MYO6: variants seen among roughly 807,000 people sequenced by gnomAD.
MYO6 encodes unconventional myosin-VI.
In MYO6, 74 loss-of-function variants were observed where a neutral mutation model predicts 178.7. The observed-to-expected ratio is 0.41, with a 90% CI of 0.34 to 0.50. The LOEUF (loss-of-function observed/expected upper bound fraction) is 0.50. Among genes scored for constraint, MYO6 ranks in the 20% least tolerant of loss-of-function variants. The probability of loss-of-function intolerance (pLI) is 0.09; values close to 1 mark genes in which losing one functional copy is unlikely to be tolerated. For missense variants in MYO6, 1,330 were observed against 1,547.4 expected, an observed-to-expected ratio of 0.86 and a Z score of 2.36; for synonymous variants, 477 against 504.6, an observed-to-expected ratio of 0.95 and a Z score of 0.73.
chr6:75,791,025 C>G (rs1768178748), intron 1 of MYO6, among the ~76,000 whole-genome samples: 1 of 152,124 alleles, frequency 6.6e-6, no homozygotes, highest in Non-Finnish European at 1.5e-5. Flanking sequence ...GCTCCGCCTC[C>G]CGAGTTCATG....
chr6:75,750,531 AT>A (rs530813379), intron 1 of MYO6, among the ~76,000 whole-genome samples: 955 of 134,142 alleles, frequency 7.1e-3, no homozygotes, highest in Non-Finnish European at 8.3e-3. Flanking sequence ...AATAAGCCTC[AT>A]TTTTTTTTTT....
intron 2 of MYO6, 25 bp from the exon 3 acceptor site, chr6:75,822,757 A>G (rs1214246448): frequency 6.2e-7 from 1 of 1,601,622 alleles, no homozygotes; most frequent in Admixed American, 1.7e-5. Context: ...CCTTGAGTTT[A>G]ATGAGCATTT....
In MYO6 at chr6:75,855,273, A is replaced by G. The variant is rs946943091; in HGVS notation, c.1213A>G (p.Thr405Ala). 1.2e-6 allele frequency: 2 copies of G among 1,613,498 alleles called. No individual in the cohort carries two copies. The highest frequency in any genetic ancestry group is 2.2e-5 in the East Asian group (1 of 44,820). Reference sequence around the variant, plus strand: ...AACAACAGCAGGGGGCACCAAAGGAACAGTTATAAAGTAAGTTCCTTAAGT... The same window carrying G: ...AACAACAGCAGGGGGCACCAAAGGAGCAGTTATAAAGTAAGTTCCTTAAGT... ...MLTTAGGTKG[T>A]VIKVPLKVEQ... Residue 405 changes from threonine (T) to alanine (A), a missense_variant, in exon 12 of 35, where the codon ACA becomes GCA. Coordinates refer to ENST00000369977, the MANE Select transcript of MYO6 (RefSeq NM_004999.4).
chr6:75,753,835 G>A (rs1368993725), intron 1 of MYO6, among the ~76,000 whole-genome samples: 2 of 152,144 alleles, frequency 1.3e-5, no homozygotes, highest in African/African-American at 4.8e-5. Context: ...ACAAATTTGA[G>A]TGGACTAGAA....
chr6:75,896,726 C>T (rs566449333), intron 29 of MYO6, among the ~76,000 whole-genome samples: 1 of 152,254 alleles, frequency 6.6e-6, no homozygotes, highest in African/African-American at 2.4e-5. Flanking sequence ...TTCCCCTTAC[C>T]TCAGCAGATG....
At chr6:75,894,504 C>G (rs1306998452) in intron 28 of MYO6, among the ~76,000 whole-genome samples, 6 of 152,206 alleles carry the variant, frequency 3.9e-5, no homozygotes, top group Non-Finnish European at 5.9e-5. Context: ...TGAGCTCCTT[C>G]CCTTCTGGTC....
chr6:75,908,061 A>G (rs1441599598), intron 31 of MYO6, among the ~76,000 whole-genome samples: 1 of 152,196 alleles, frequency 6.6e-6, no homozygotes, highest in African/African-American at 2.4e-5. Flanking sequence ...AAACAAAAGT[A>G]TCATAATTGT....
chr6:75,894,403 T>C (rs555529346), intron 28 of MYO6, among the ~76,000 whole-genome samples: 1 of 152,340 alleles, frequency 6.6e-6, no homozygotes, highest in East Asian at 1.9e-4. Context: ...GTTTTAGTTA[T>C]GTGGTTCAGG....
chr6:75,893,178 C>T (rs1345621323), intron 28 of MYO6, among the ~76,000 whole-genome samples: 2 of 151,984 alleles, frequency 1.3e-5, no homozygotes, highest in Non-Finnish European at 2.9e-5. Flanking sequence ...ATGAGTTTCC[C>T]TTTACAAGAA....
At chr6:75,778,162 A>G in intron 1 of MYO6, among the ~76,000 whole-genome samples, 1 of 152,290 alleles carries the variant, frequency 6.6e-6, no homozygotes, top group African/African-American at 2.4e-5. Context: ...CCCAATGAAT[A>G]TAGTATATTG....
intron 29 of MYO6, among the ~76,000 whole-genome samples, chr6:75,897,475 C>T (rs1297383913): frequency 2.0e-5 from 3 of 152,222 alleles, no homozygotes; most frequent in South Asian, 2.1e-4. Flanking sequence ...GTGTTCATTA[C>T]GAGAAAAGAG....
chr6:75,869,439 A>T (rs1043680905), intron 18 of MYO6, among the ~76,000 whole-genome samples: 1 of 152,170 alleles, frequency 6.6e-6, no homozygotes, highest in Admixed American at 6.5e-5. Flanking sequence ...TTGGATTGTC[A>T]TGTTCTATCC....
chr6:75,886,810 G>T, intron 24 of MYO6, 34 bp from the exon 25 acceptor site: 1 of 1,606,498 alleles, frequency 6.2e-7, no homozygotes, highest in Middle Eastern at 1.7e-4. Context: ...ACTAAAGGAT[G>T]AAATTAAGCT....
intron 20 of MYO6, among the ~76,000 whole-genome samples, chr6:75,876,309 G>C (rs1777565897): frequency 6.6e-6 from 1 of 152,080 alleles, no homozygotes; most frequent in African/African-American, 2.4e-5. Context: ...AGCCCCATGA[G>C]GGTGGGAACT....
chr6:75,781,687 T>A (rs1360663190), intron 1 of MYO6, among the ~76,000 whole-genome samples: 1 of 152,012 alleles, frequency 6.6e-6, no homozygotes, highest in Non-Finnish European at 1.5e-5. Context: ...ATTGGGAGGC[T>A]GAGGCAGGTG....
At chr6:75,904,141 C>A (rs1780063052) in intron 30 of MYO6, among the ~76,000 whole-genome samples, 1 of 151,722 alleles carries the variant, frequency 6.6e-6, no homozygotes, top group African/African-American at 2.4e-5. Flanking sequence ...CCCGACCTTT[C>A]TCTCTGGCTG....
chr6:75,830,670 C>A, intron 5 of MYO6, 125 bp downstream of exon 5: 1 of 908,348 alleles, frequency 1.1e-6, no homozygotes, highest in Non-Finnish European at 1.7e-6. Flanking sequence ...AACTGTATAC[C>A]TCTTGGATAT....
At chr6:75,792,906 C>T (rs1768385983) in intron 1 of MYO6, among the ~76,000 whole-genome samples, 1 of 152,042 alleles carries the variant, frequency 6.6e-6, no homozygotes, top group Non-Finnish European at 1.5e-5. Flanking sequence ...GTCTTAGCCT[C>T]TCAAATGGTT....
intron 1 of MYO6, among the ~76,000 whole-genome samples, chr6:75,793,505 G>A (rs1768460787): frequency 6.6e-6 from 1 of 151,990 alleles, no homozygotes; most frequent in Non-Finnish European, 1.5e-5. Context: ...TTGGGAGGCT[G>A]AGGCAGGAGA....
Sources: gnomAD v4.1 joint callset for allele counts (sites outside exome capture counted in the v4.1 genomes callset) on GRCh38, gnomAD v4.1.1 for gene constraint, MANE v1.5 for transcripts, NCBI Gene and HGNC (gene_info 2026-07-23, HGNC 2026-07-21) for gene names.